The following GRID1 variants were observed in gnomAD, a reference collection of about 807,000 sequenced individuals.
GRID1 encodes the protein glutamate receptor ionotropic, delta-1.
GRID1 carries 28 observed loss-of-function variants against 98.0 expected under a neutral mutation model. The observed-to-expected ratio is 0.29, with a 90% CI of 0.21 to 0.39. The LOEUF (loss-of-function observed/expected upper bound fraction) is 0.39. GRID1 is among the 10% of genes least tolerant of loss of function. GRID1 has a pLI of 1.00. For missense variants in GRID1, 1,111 were observed against 1,340.5 expected (o/e 0.83, Z 2.67); for synonymous variants, 553 against 538.5 (o/e 1.03, Z -0.37).
At chr10:86,243,725 C>T (rs1846674240) in intron 2 of GRID1, among the ~76,000 whole-genome samples, 1 of 152,166 alleles carries the variant, frequency 6.6e-6, no homozygotes, top group African/African-American at 2.4e-5. Flanking sequence ...ATGAAAGTTG[C>T]TTGCCCAAAA....
intron 15 of GRID1, among the ~76,000 whole-genome samples, chr10:85,604,318 G>A (rs1182143721): frequency 6.6e-6 from 1 of 152,178 alleles, no homozygotes; most frequent in Non-Finnish European, 1.5e-5. Context: ...ACACCCATAG[G>A]ACAACTGACA....
intron 12 of GRID1, among the ~76,000 whole-genome samples, chr10:85,704,495 C>T (rs1841491360): frequency 6.6e-6 from 1 of 152,208 alleles, no homozygotes; most frequent in Admixed American, 6.5e-5. Context: ...TAGAAAGAGA[C>T]TTAGACTCCC....
At chr10:86,296,556 T>G (rs887567842) in intron 2 of GRID1, among the ~76,000 whole-genome samples, 1 of 152,026 alleles carries the variant, frequency 6.6e-6, no homozygotes, top group East Asian at 1.9e-4. Context: ...CTGGCCAACA[T>G]AGTGAAACCC....
chr10:85,761,699 A>G (rs1379876942), intron 8 of GRID1, among the ~76,000 whole-genome samples: 1 of 152,128 alleles, frequency 6.6e-6, no homozygotes, highest in Non-Finnish European at 1.5e-5. Flanking sequence ...TAAAACCACT[A>G]TGGGTCCCCA....
chr10:86,317,767 G>C (rs1271221498), intron 2 of GRID1, among the ~76,000 whole-genome samples: 1 of 151,940 alleles, frequency 6.6e-6, no homozygotes, highest in African/African-American at 2.4e-5. Context: ...TTTAGACATG[G>C]TCGCACTCTG....
intron 4 of GRID1, among the ~76,000 whole-genome samples, chr10:86,023,668 G>A (rs1275238887): frequency 6.6e-6 from 1 of 151,952 alleles, no homozygotes; most frequent in Non-Finnish European, 1.5e-5. Flanking sequence ...ACCTCCCCCT[G>A]ACCAAACACA....
intron 5 of GRID1, among the ~76,000 whole-genome samples, chr10:85,893,558 C>A (rs933866573): frequency 2.0e-5 from 3 of 152,098 alleles, no homozygotes; most frequent in African/African-American, 7.2e-5. Context: ...AGGTCAATAT[C>A]CAGAAACCAG....
At chr10:85,604,136 A>G (rs1011226319) in intron 15 of GRID1, among the ~76,000 whole-genome samples, 2 of 152,114 alleles carry the variant, frequency 1.3e-5, no homozygotes, top group African/African-American at 4.8e-5. Context: ...TCAAGCAAGG[A>G]GGTGAAGTGC....
intron 12 of GRID1, among the ~76,000 whole-genome samples, chr10:85,708,276 C>T (rs561618682): frequency 3.9e-5 from 6 of 151,934 alleles, no homozygotes; most frequent in East Asian, 3.9e-4. Context: ...TGGTGGTGGG[C>T]GCCTGTAGTC....
chr10:85,713,142 G>C (rs1001524879), intron 12 of GRID1, among the ~76,000 whole-genome samples: 30 of 151,130 alleles, frequency 2.0e-4, no homozygotes, highest in Non-Finnish European at 4.3e-4. Flanking sequence ...TTTTTGGAAA[G>C]ATAAACAAAA....
At chr10:86,287,890 G>A in intron 2 of GRID1, among the ~76,000 whole-genome samples, 1 of 151,674 alleles carries the variant, frequency 6.6e-6, no homozygotes, top group African/African-American at 2.4e-5. Context: ...AGGATCACTA[G>A]AGGATGTACC....
chr10:85,921,984 G>A (rs1006240791), intron 4 of GRID1, among the ~76,000 whole-genome samples: 3 of 152,196 alleles, frequency 2.0e-5, no homozygotes, highest in Non-Finnish European at 4.4e-5. Flanking sequence ...CTGCTTCACA[G>A]ATGGGGAACT....
chr10:85,617,635 G>A (rs557275805), intron 14 of GRID1, among the ~76,000 whole-genome samples: 1 of 152,324 alleles, frequency 6.6e-6, no homozygotes, highest in Admixed American at 6.5e-5. Context: ...ACAGGAAGAT[G>A]AGGAAACTGT....
intron 4 of GRID1, among the ~76,000 whole-genome samples, chr10:86,002,920 T>G (rs190448370): frequency 6.8e-4 from 104 of 152,288 alleles, no homozygotes; most frequent in African/African-American, 2.4e-3. Flanking sequence ...TGATGAAAAT[T>G]CAATGTCTTA....
chr10:86,222,585 G>C (rs1846273953), intron 2 of GRID1, among the ~76,000 whole-genome samples: 1 of 152,108 alleles, frequency 6.6e-6, no homozygotes, highest in East Asian at 1.9e-4. Flanking sequence ...AAAATGGAGG[G>C]GCCTCTGAAA....
chr10:85,701,265 A>G (rs1462632938), intron 12 of GRID1, among the ~76,000 whole-genome samples: 1 of 152,208 alleles, frequency 6.6e-6, no homozygotes, highest in Admixed American at 6.5e-5. Flanking sequence ...AACAACGGAA[A>G]ATGCCTAGGT....
intron 5 of GRID1, among the ~76,000 whole-genome samples, chr10:85,911,916 C>A (rs1251333558): frequency 6.6e-6 from 1 of 152,220 alleles, no homozygotes; most frequent in African/African-American, 2.4e-5. Flanking sequence ...AGAGTCAAGG[C>A]TGACTGGGCT....
At chr10:85,611,927 G>A (rs1419904025) in intron 15 of GRID1, among the ~76,000 whole-genome samples, 2 of 152,216 alleles carry the variant, frequency 1.3e-5, no homozygotes, top group Non-Finnish European at 1.5e-5. Context: ...TCAAAGGTCT[G>A]TCTTCCTTCC....
chr10:86,363,006 G>A (rs553483537), intron 2 of GRID1, among the ~76,000 whole-genome samples: 1 of 152,402 alleles, frequency 6.6e-6, no homozygotes, highest in East Asian at 1.9e-4. Context: ...GGGGAGCAAG[G>A]CAGAGGGAAG....
Sources: allele counts gnomAD v4.1 joint callset (sites outside exome capture counted in the v4.1 genomes callset), GRCh38; gene constraint gnomAD v4.1.1; transcripts MANE v1.5; gene names NCBI Gene and HGNC (gene_info 2026-07-23, HGNC 2026-07-21).